PTGS1: variants seen among roughly 807,000 people sequenced by gnomAD.
PTGS1 encodes the protein prostaglandin G/H synthase 1.
Under a neutral mutation model 63.0 loss-of-function variants are expected in PTGS1, and 40 were observed. The ratio of observed to expected loss-of-function variants is 0.63; its 90% CI spans 0.49 to 0.83. The LOEUF (loss-of-function observed/expected upper bound fraction) is 0.83, where lower values mean the gene tolerates loss of function less well. PTGS1 is among the 40% of genes least tolerant of loss of function. PTGS1 has a pLI of 0.00. For missense variants in PTGS1, 709 were observed against 786.5 expected, an observed-to-expected ratio of 0.90 and a Z score of 1.18; for synonymous variants, 298 against 301.9, an observed-to-expected ratio of 0.99 and a Z score of 0.13.
At chr9:122,391,406 T>C (rs1838264249) in intron 10 of PTGS1, among the ~76,000 whole-genome samples, 1 of 53,676 alleles carries the variant, frequency 1.9e-5, no homozygotes, top group African/African-American at 1.9e-4. Flanking sequence ...TACATATATA[T>C]ATACATATAT....
At chr9:122,370,841 A>G (rs193017131), upstream of PTGS1, 1,017 of 628,260 alleles carry the variant, frequency 1.6e-3, 1 homozygote, top group Non-Finnish European at 2.4e-3. Flanking sequence ...GGCATCAGAA[A>G]CGTAAGTGCT....
At chr9:122,382,264 T>C (rs1346184990) in intron 7 of PTGS1, among the ~76,000 whole-genome samples, 1 of 152,260 alleles carries the variant, frequency 6.6e-6, no homozygotes. Context: ...ATTTTAATAA[T>C]ACATTTTACT....
intron 2 of PTGS1, among the ~76,000 whole-genome samples, chr9:122,372,341 A>G (rs1023879612): frequency 6.6e-6 from 1 of 152,312 alleles, no homozygotes; most frequent in Non-Finnish European, 1.5e-5. Flanking sequence ...GGACCCAAAG[A>G]GAGGACGGAG....
chr9:122,389,279 T>C (rs1022436076), intron 9 of PTGS1, among the ~76,000 whole-genome samples: 2 of 150,786 alleles, frequency 1.3e-5, no homozygotes, highest in African/African-American at 4.9e-5. Flanking sequence ...GTCTCCCAAA[T>C]AGCTGGGATT....
Position 122,378,473 on chromosome 9 carries a change from C to T in PTGS1, c.252C>T (p.Ser84=). 1 of 1,614,202 alleles carries T rather than the reference C, an allele frequency of 6.2e-7. No homozygotes were observed. Among genetic ancestry groups the T allele is most frequent in the East Asian group, 2.2e-5 (1 of 44,890 alleles). The part of the protein sequence containing the change: ...WTWLRNSLRP[S]PSFTHFLLTH... The stretch of plus-strand genomic sequence containing the variant: ...GGCTCCGGAATTCACTGCGGCCCAG[C>T]CCCTCTTTCACCCACTTCCTGCTCA... Residue 84 remains serine (S), a synonymous_variant, in exon 4 of 11, where the codon AGC becomes AGT. Transcript: ENST00000362012.
chr9:122,386,431 T>A lies in PTGS1; in HGVS notation c.1010-15T>A. ...TGTGCTTGGCTGACCCTATTTCCAATCCTGCCCTGCCCAGGGGAGACCATC... is the reference window on the plus strand; with the variant it reads ...TGTGCTTGGCTGACCCTATTTCCAAACCTGCCCTGCCCAGGGGAGACCATC... On this transcript the variant is annotated splice_polypyrimidine_tract_variant and intron_variant, in intron 8 of 10. Transcript: ENST00000362012. 2 of 1,612,906 alleles carry A rather than the reference T, an allele frequency of 1.2e-6. No individual in the cohort carries two copies. Among genetic ancestry groups the A allele is most frequent in the African/African-American group, 1.3e-5 (1 of 75,038 alleles).
At position 122,371,290 on chromosome 9, in the gene PTGS1, T is replaced by C. The variant is rs1836786796; in HGVS notation, c.94+18T>C. On this transcript the variant is annotated intron_variant, in intron 2 of 10. Coordinates refer to ENST00000362012, the MANE Select transcript of PTGS1 (RefSeq NM_000962.4). Reference sequence around the variant, plus strand: ...CACGCCAGGTAGGCGGCCCCATCCCTCCCCAAGGGAATCCCCGGTCTTGCG... The same window carrying C: ...CACGCCAGGTAGGCGGCCCCATCCCCCCCCAAGGGAATCCCCGGTCTTGCG... 3 of 1,601,698 alleles carry C rather than the reference T, an allele frequency of 1.9e-6. No individual in the cohort carries two copies.
Position 122,381,567 on chromosome 9 carries a change from G to A in PTGS1, c.678+15G>A. On this transcript the variant is annotated intron_variant, in intron 6 of 10. Coordinates refer to ENST00000362012, the MANE Select transcript of PTGS1 (RefSeq NM_000962.4). Reference sequence around the variant, plus strand: ...TGGGCCATGGGGTGAGTACCTAGGAGGGGCTCAGGACTGCTCTGGACCTAA... The same window carrying A: ...TGGGCCATGGGGTGAGTACCTAGGAAGGGCTCAGGACTGCTCTGGACCTAA... 6.2e-7 allele frequency: 1 copy of A among 1,614,154 alleles called. No individual in the cohort carries two copies. The highest frequency in any genetic ancestry group is 8.5e-7 in the Non-Finnish European group (1 of 1,179,980).
At chr9:122,386,873 A>C in intron 9 of PTGS1, 141 bp downstream of exon 9, 2 of 1,002,704 alleles carry the variant, frequency 2.0e-6, no homozygotes, top group Non-Finnish European at 2.9e-6. Flanking sequence ...GTGTGAGTTC[A>C]TTGGTTCATT....
chr9:122,383,196 GTTTTTTTTTTCTTT>G (rs1564139072), intron 7 of PTGS1, among the ~76,000 whole-genome samples: 16 of 141,332 alleles, frequency 1.1e-4, no homozygotes, highest in Admixed American at 2.8e-4. Flanking sequence ...TTTTTTTTAA[GTTTTTTTTTTCTTT>G]TTTTTTTTTT....
intron 2 of PTGS1, among the ~76,000 whole-genome samples, chr9:122,377,347 T>A (rs915234880): frequency 2.6e-5 from 4 of 152,198 alleles, no homozygotes; most frequent in African/African-American, 9.7e-5. Flanking sequence ...GACATTATGA[T>A]ACCTGCTCTT....
chr9:122,392,512 C>T lies in PTGS1; in HGVS notation c.1768C>T (p.Pro590Ser), dbSNP rs776662441. 9 of 1,613,844 alleles carry T rather than the reference C, an allele frequency of 5.6e-6. No homozygotes were observed. The highest frequency in any genetic ancestry group is 3.3e-5 in the Admixed American group (2 of 59,988). Residue 590 changes from proline (P) to serine (S), a missense_variant, in exon 11 of 11, where the codon CCT becomes TCT. Coordinates refer to ENST00000362012, the MANE Select transcript of PTGS1 (RefSeq NM_000962.4). ...GCCGGATGCCAGTCAGGATGATGGG[C>T]CTGCTGTGGAGCGACCATCCACAGA... ...RVPDASQDDG[P>S]AVERPSTEL
chr9:122,386,450 G>A lies in PTGS1; in HGVS notation c.1014G>A (p.Glu338=), dbSNP rs145832816. ...FQTTRLILIG[E]TIKIVIEEYV... ...TTCCAATCCTGCCCTGCCCAGGGGA[G>A]ACCATCAAGATTGTCATCGAGGAGT... Residue 338 remains glutamate (E), a synonymous_variant, in exon 9 of 11, where the codon GAG becomes GAA. Coordinates refer to ENST00000362012, the MANE Select transcript of PTGS1 (RefSeq NM_000962.4). 136 of 1,613,986 alleles carry A rather than the reference G, an allele frequency of 8.4e-5. No homozygotes were observed. The highest frequency in any genetic ancestry group is 1.0e-4 in the Non-Finnish European group (121 of 1,179,990).
rs991776737 is a variant in PTGS1 at position 122,381,820 on chromosome 9, C to T, written c.762+73C>T. 1.2e-5 allele frequency: 18 copies of T among 1,474,180 alleles called. No individual in the cohort carries two copies. In the African/African-American group the frequency reaches 1.8e-4, roughly 15 times the overall value. 91.3% of individuals were successfully genotyped at this position (1,474,180 alleles called of 1,614,324 possible). On this transcript the variant is annotated intron_variant, in intron 7 of 10. Transcript: ENST00000362012. ...CTTCCCTGGCAAAGACTGCTTGGGGCGGGGGTCTGGGTCATGTCCTGAGAG... is the reference window on the plus strand; with the variant it reads ...CTTCCCTGGCAAAGACTGCTTGGGGTGGGGGTCTGGGTCATGTCCTGAGAG...
chr9:122,379,186 C>T (rs111629727), intron 5 of PTGS1, among the ~76,000 whole-genome samples: 1,647 of 152,052 alleles, frequency 0.011, 43 homozygotes, highest in Admixed American at 0.057. Flanking sequence ...TGGGTCCTGC[C>T]GGGGTGGAAG....
At chr9:122,386,876 G>A (rs752460983) in intron 9 of PTGS1, 144 bp downstream of exon 9, 588 of 986,784 alleles carry the variant, frequency 6.0e-4, no homozygotes, top group Non-Finnish European at 7.8e-4. Context: ...TGAGTTCATT[G>A]GTTCATTTGT....
chr9:122,380,466 A>AAAATAAATAAAT (rs59514121), intron 5 of PTGS1, among the ~76,000 whole-genome samples: 34 of 145,880 alleles, frequency 2.3e-4, no homozygotes, highest in South Asian at 4.4e-4. Flanking sequence ...CCCTGTCTCA[A>AAAATAAATAAAT]AAATAAATAA....
chr9:122,378,070 G>A, intron 3 of PTGS1, 55 bp downstream of exon 3: 1 of 1,512,804 alleles, frequency 6.6e-7, no homozygotes. Context: ...CTGCTCCCCG[G>A]GCCCTTTCTC....
intron 10 of PTGS1, among the ~76,000 whole-genome samples, chr9:122,391,335 T>C (rs1304221200): frequency 1.2e-4 from 15 of 121,390 alleles, no homozygotes; most frequent in African/African-American, 6.7e-4. Context: ...TATATGTGTG[T>C]GTATATATAT....
Sources: allele counts gnomAD v4.1 joint callset (sites outside exome capture counted in the v4.1 genomes callset), GRCh38; gene constraint gnomAD v4.1.1; transcripts MANE v1.5; gene names NCBI Gene and HGNC (gene_info 2026-07-23, HGNC 2026-07-21).